RAB27A: variants seen among roughly 807,000 people sequenced by gnomAD.
RAB27A encodes the protein RAB27A, member RAS oncogene family.
RAB27A carries 17 observed loss-of-function variants against 20.8 expected under a neutral mutation model. The observed-to-expected ratio is 0.82, with a 90% CI of 0.56 to 1.23. The LOEUF is 1.23. RAB27A is among the 50% of genes most tolerant of loss of function. RAB27A has a pLI of 0.00. For synonymous variants in RAB27A, 85 were observed against 92.8 expected (o/e 0.92, Z 0.48); for missense variants, 277 against 266.7 (o/e 1.04, Z -0.27).
intron 2 of RAB27A, among the ~76,000 whole-genome samples, chr15:55,247,073 C>T (rs2141023703): frequency 6.6e-6 from 1 of 152,198 alleles, no homozygotes; most frequent in East Asian, 1.9e-4. Flanking sequence ...GGGGCTTTTT[C>T]CAGTCTACCT....
At chr15:55,225,937 G>A (rs7165369) in intron 5 of RAB27A, among the ~76,000 whole-genome samples, 23,074 of 152,062 alleles carry the variant, frequency 0.15, 2,253 homozygotes, top group African/African-American at 0.28. Flanking sequence ...TCTCACAGAG[G>A]CCATCTTTGC....
At chr15:55,229,008 T>G (rs1380883048) in intron 4 of RAB27A, among the ~76,000 whole-genome samples, 1 of 152,230 alleles carries the variant, frequency 6.6e-6, no homozygotes, top group Non-Finnish European at 1.5e-5. Context: ...CAATATAGTG[T>G]ATGTTTTCCT....
intron 5 of RAB27A, among the ~76,000 whole-genome samples, chr15:55,226,843 G>A (rs1895821578): frequency 6.7e-6 from 1 of 149,112 alleles, no homozygotes; most frequent in Non-Finnish European, 1.5e-5. Flanking sequence ...ACTCCAGCAA[G>A]GGCAACAAGA....
intron 2 of RAB27A, among the ~76,000 whole-genome samples, chr15:55,254,898 A>C (rs1022622821): frequency 2.0e-5 from 3 of 152,236 alleles, no homozygotes; most frequent in African/African-American, 4.8e-5. Flanking sequence ...GAAAAGGCAG[A>C]GTTGGAAACA....
chr15:55,309,462 C>G (rs775023798), intron 2 of RAB27A, among the ~76,000 whole-genome samples: 15 of 152,180 alleles, frequency 9.9e-5, no homozygotes, highest in Non-Finnish European at 7.3e-5. Flanking sequence ...AGTAAATCAT[C>G]CATGTACCAA....
intron 1 of RAB27A, among the ~76,000 whole-genome samples, chr15:55,316,496 A>C (rs1442232485): frequency 6.6e-6 from 1 of 151,886 alleles, no homozygotes; most frequent in Non-Finnish European, 1.5e-5. Flanking sequence ...CTTAAAACCT[A>C]GATGACGGGT....
chr15:55,294,080 T>A (rs140669378), upstream of RAB27A, among the ~76,000 whole-genome samples: 2,009 of 151,922 alleles, frequency 0.013, 43 homozygotes, highest in African/African-American at 0.046. Context: ...GACCCAAAAA[T>A]TTAAAAAGTT....
intron 6 of RAB27A, among the ~76,000 whole-genome samples, chr15:55,214,285 A>C (rs573776155): frequency 6.6e-6 from 1 of 152,266 alleles, no homozygotes; most frequent in Non-Finnish European, 1.5e-5. Context: ...AAATACAAAA[A>C]ATTAGCCAGG....
At chr15:55,313,826 A>G (rs2141147552) in intron 2 of RAB27A, among the ~76,000 whole-genome samples, 1 of 152,206 alleles carries the variant, frequency 6.6e-6, no homozygotes, top group South Asian at 2.1e-4. Flanking sequence ...ACAAAAACTT[A>G]GCCGGGAGTG....
intron 5 of RAB27A, 129 bp from the exon 6 acceptor site, chr15:55,224,141 T>C: frequency 5.7e-6 from 4 of 703,036 alleles, no homozygotes; most frequent in Non-Finnish European, 9.4e-6. Flanking sequence ...CATAATGCTT[T>C]CAAAGCATCA....
chr15:55,222,010 G>C (rs1895594007), intron 6 of RAB27A, among the ~76,000 whole-genome samples: 1 of 152,090 alleles, frequency 6.6e-6, no homozygotes. Context: ...TTCAGCATCA[G>C]ACACAAAGAC....
At chr15:55,241,600 T>TATATATATA (rs1896481032) in intron 2 of RAB27A, among the ~76,000 whole-genome samples, 33 of 123,874 alleles carry the variant, frequency 2.7e-4, no homozygotes, top group African/African-American at 1.4e-3. Flanking sequence ...CAAGACCTAT[T>TATATATATA]TATATATATA....
intron 2 of RAB27A, among the ~76,000 whole-genome samples, chr15:55,298,999 C>G (rs1018006054): frequency 6.6e-6 from 1 of 152,142 alleles, no homozygotes; most frequent in African/African-American, 2.4e-5. Flanking sequence ...AACACACATG[C>G]TGTATAATTT....
intron 1 of RAB27A, among the ~76,000 whole-genome samples, chr15:55,289,504 C>A (rs1898252005): frequency 6.6e-6 from 1 of 152,208 alleles, no homozygotes; most frequent in African/African-American, 2.4e-5. Context: ...GGGACCGCAC[C>A]TGGCCAGCAC....
At chr15:55,318,468 G>C (rs2055081359) in intron 1 of RAB27A, among the ~76,000 whole-genome samples, 1 of 149,918 alleles carries the variant, frequency 6.7e-6, no homozygotes, top group East Asian at 2.1e-4. Context: ...ACTTTGGGAG[G>C]CCGAGGCGGG....
chr15:55,262,337 C>G lies in RAB27A; in HGVS notation c.-23+7828G>C, dbSNP rs148202080. The stretch of plus-strand genomic sequence containing the variant: ...TGGGCGAATCACAATGTCAGGAGAT[C>G]CAGACCATCCTGGCTAACACAGTGA... On this transcript the variant is annotated intron_variant, in intron 2 of 6. Transcript: ENST00000336787. Among the ~76,000 whole-genome samples the G allele has an allele frequency of 2.0e-3, 304 of 151,898 alleles. 2 individuals carry two copies. Among genetic ancestry groups the G allele is most frequent in the Middle Eastern group, 6.8e-3 (2 of 294 alleles).
chr15:55,308,046 T>G (rs905615129), intron 2 of RAB27A, among the ~76,000 whole-genome samples: 2 of 152,172 alleles, frequency 1.3e-5, no homozygotes, highest in African/African-American at 4.8e-5. Flanking sequence ...CCCATTCTAT[T>G]TCTTCTTCTG....
intron 4 of RAB27A, among the ~76,000 whole-genome samples, chr15:55,229,083 G>A (rs1035129415): frequency 6.6e-6 from 1 of 152,260 alleles, no homozygotes; most frequent in South Asian, 2.1e-4. Flanking sequence ...AATATGCAGA[G>A]ATCTCTTATC....
intron 6 of RAB27A, among the ~76,000 whole-genome samples, chr15:55,210,281 G>T (rs200114171): frequency 2.8e-5 from 4 of 142,730 alleles, no homozygotes; most frequent in African/African-American, 7.7e-5. Context: ...TCTATTTTTA[G>T]TTTTTTTTTT....
Sources: gnomAD v4.1 joint callset for allele counts (sites outside exome capture counted in the v4.1 genomes callset) on GRCh38, gnomAD v4.1.1 for gene constraint, MANE v1.5 for transcripts, NCBI Gene and HGNC (gene_info 2026-07-23, HGNC 2026-07-21) for gene names.